GRAMD1B: variants seen among roughly 807,000 people sequenced by gnomAD.
GRAMD1B encodes GRAM domain containing 1B.
GRAMD1B carries 37 observed loss-of-function variants against 99.7 expected under a neutral mutation model. That is an observed-to-expected ratio of 0.37 (90% CI 0.29 to 0.49). GRAMD1B has a LOEUF of 0.49. Ranked by LOEUF, GRAMD1B falls within the 20% of genes least tolerant of loss-of-function variation. The pLI, the probability that GRAMD1B is intolerant of heterozygous loss-of-function variation, is 0.98. For synonymous variants in GRAMD1B, 427 were observed against 387.6 expected, an observed-to-expected ratio of 1.10 and a Z score of -1.19; for missense variants, 888 against 1,009.2, an observed-to-expected ratio of 0.88 and a Z score of 1.63.
chr11:123,576,180 A>G (rs1948685005), intron 2 of GRAMD1B, among the ~76,000 whole-genome samples: 1 of 152,164 alleles, frequency 6.6e-6, no homozygotes, highest in East Asian at 1.9e-4. Flanking sequence ...GGGACATCTG[A>G]GGTCACAGCT....
intron 16 of GRAMD1B, among the ~76,000 whole-genome samples, chr11:123,614,037 G>A (rs751135443): frequency 1.3e-5 from 2 of 152,126 alleles, no homozygotes; most frequent in Non-Finnish European, 1.5e-5. Context: ...GGGAGACCAA[G>A]ACAGTCCCCG....
chr11:123,430,862 C>A lies in GRAMD1B; in HGVS notation c.70C>A (p.Pro24Thr), dbSNP rs780180736. ...ALQVPEPQGA[P>T]EGSPVWSSSS... ...GCAGGTGCCCGAGCCGCAGGGTGCG[C>A]CCGAGGGCAGCCCGGTCTGGTCCAG... Residue 24 changes from proline (P) to threonine (T), a missense_variant, in exon 1 of 20, where the codon CCC (proline) becomes ACC (threonine). By Grantham distance (38) the Pro-to-Thr change is conservative. This residue lies in a region of GRAMD1B where 233 missense variants were observed against 154.6 expected (regional missense o/e 1.51). Coordinates refer to ENST00000635736, the MANE Select transcript of GRAMD1B (RefSeq NM_001387025.1). The A allele has an allele frequency of 2.8e-6, 2 of 701,800 alleles. No homozygotes were observed. Among genetic ancestry groups the A allele is most frequent in the South Asian group, 3.0e-5 (2 of 67,546 alleles). The allele number at this position is 701,800 out of a possible 1,614,324, so 43.5% of individuals were successfully genotyped here. A position where few individuals can be genotyped will look rare whatever the true frequency, so the allele number is the denominator to read the frequency against.
In GRAMD1B at chr11:123,525,768, G is replaced by A. The variant is rs1488727339; in HGVS notation, c.452+44875G>A. 5 of 287,636 alleles carry A rather than the reference G, an allele frequency of 1.7e-5. No homozygotes were observed. The East Asian group carries it at 4.3e-4, about 25-fold the overall frequency. The allele number at this position is 287,636 out of a possible 1,614,324, so 17.8% of individuals were successfully genotyped here. Reference sequence around the variant, plus strand: ...CTCAGAGCTGGTATGAGGTGAGGGTGGGGGGCAGCCGGCCAGCCTGGCTGT... The same window carrying A: ...CTCAGAGCTGGTATGAGGTGAGGGTAGGGGGCAGCCGGCCAGCCTGGCTGT... On this transcript the variant is annotated intron_variant, in intron 2 of 19. Transcript: ENST00000635736.
chr11:123,527,747 C>T (rs1368454129), intron 2 of GRAMD1B, among the ~76,000 whole-genome samples: 1 of 152,120 alleles, frequency 6.6e-6, no homozygotes, highest in Non-Finnish European at 1.5e-5. Flanking sequence ...TCAGAAATCT[C>T]TCCGCATCCT....
At chr11:123,539,646 T>C (rs1391970686) in intron 2 of GRAMD1B, among the ~76,000 whole-genome samples, 1 of 152,104 alleles carries the variant, frequency 6.6e-6, no homozygotes, top group East Asian at 1.9e-4. Context: ...TTGATTCCCA[T>C]TACTTACAAA....
At chr11:123,411,117 G>T (rs1044640752) in intron 1 of GRAMD1B, among the ~76,000 whole-genome samples, 2 of 151,678 alleles carry the variant, frequency 1.3e-5, no homozygotes, top group African/African-American at 4.8e-5. Context: ...CCATTCTCCT[G>T]CCTCAGCCTC....
intron 2 of GRAMD1B, among the ~76,000 whole-genome samples, chr11:123,512,902 C>T (rs1941183377): frequency 6.6e-6 from 1 of 151,934 alleles, no homozygotes; most frequent in Non-Finnish European, 1.5e-5. Flanking sequence ...TGGCTTTCAT[C>T]AGCTCCCCAG....
intron 1 of GRAMD1B, among the ~76,000 whole-genome samples, chr11:123,381,212 T>C (rs1027559872): frequency 6.6e-6 from 1 of 152,150 alleles, no homozygotes; most frequent in African/African-American, 2.4e-5. Flanking sequence ...CAGAACTTTG[T>C]CTTAGGATAG....
At chr11:123,589,650 C>T (rs992661284) in intron 4 of GRAMD1B, among the ~76,000 whole-genome samples, 5 of 134,170 alleles carry the variant, frequency 3.7e-5, no homozygotes, top group African/African-American at 1.6e-4. Flanking sequence ...GTAGTAGAGA[C>T]GGGGTTTCAC....
At chr11:123,412,988 G>C (rs946325724) in intron 1 of GRAMD1B, among the ~76,000 whole-genome samples, 1 of 152,090 alleles carries the variant, frequency 6.6e-6, no homozygotes, top group Non-Finnish European at 1.5e-5. Flanking sequence ...CATCATATTG[G>C]TCAGGCTGGT....
chr11:123,435,548 A>G, intron 1 of GRAMD1B: 2 of 670,422 alleles, frequency 3.0e-6, no homozygotes, highest in Non-Finnish European at 5.4e-6. Flanking sequence ...TAAAGACAGC[A>G]TGGCTTACTA....
chr11:123,438,032 T>C (rs958133771), intron 1 of GRAMD1B, among the ~76,000 whole-genome samples: 1 of 152,182 alleles, frequency 6.6e-6, no homozygotes, highest in Non-Finnish European at 1.5e-5. Context: ...AGACCTATGA[T>C]TGGTCAGTGG....
rs771707612 is a variant in GRAMD1B, at chr11:123,618,370, G to A, written c.2319-323G>A. 3.7e-5 allele frequency: 59 copies of A among 1,611,154 alleles called. No homozygotes were observed. The East Asian group carries it at 1.2e-3, about 32-fold the overall frequency. Reference sequence around the variant, plus strand: ...GATCTGTTTCAGGTACTGGCTCTATGATTTCTCCTTTACCCCCTCATCTCT... The same window carrying A: ...GATCTGTTTCAGGTACTGGCTCTATAATTTCTCCTTTACCCCCTCATCTCT... On this transcript the variant is annotated intron_variant, in intron 17 of 19. Transcript: ENST00000635736.
chr11:123,614,774 G>T lies in GRAMD1B; in HGVS notation c.2257G>T (p.Asp753Tyr), dbSNP rs375570291. 3.1e-6 allele frequency: 5 copies of T among 1,612,470 alleles called. No homozygotes were observed. In the South Asian group the frequency reaches 5.5e-5, roughly 18 times the overall value. ...GSTQTRHIPEDTPNGFHLQSV... is the reference protein window; with the variant it reads ...GSTQTRHIPEYTPNGFHLQSV... ...CACACAGACGCGGCATATCCCGGAG[G>T]ACACCCCCAACGGTTTCCACCTGCA... Residue 753 changes from aspartate to tyrosine, a missense_variant, in exon 17 of 20, where the codon GAC becomes TAC. Physicochemically the swap from Asp to Tyr is radical, Grantham distance 160. Transcript: ENST00000635736.
At chr11:123,606,485 A>G in intron 10 of GRAMD1B, 124 bp from the exon 11 acceptor site, 2 of 820,880 alleles carry the variant, frequency 2.4e-6, no homozygotes, top group Non-Finnish European at 3.8e-6. Flanking sequence ...CCTGACTCTG[A>G]CTTCGCTCCT....
rs374298813 is a variant in GRAMD1B at position 123,577,547 on chromosome 11, G to A, written c.633G>A (p.Gln211=). ...EQGVQRSCSS[Q]SGRSGGKNSK... Reference sequence around the variant, plus strand: ...GCGTGCAGCGCAGCTGCTCCTCCCAGTCCGGCCGGAGCGGCGGCAAGAATT... The same window carrying A: ...GCGTGCAGCGCAGCTGCTCCTCCCAATCCGGCCGGAGCGGCGGCAAGAATT... The change falls in exon 3 of 20, where the codon CAG becomes CAA. Residue 211 remains glutamine, a synonymous_variant. Coordinates refer to ENST00000635736, the MANE Select transcript of GRAMD1B (RefSeq NM_001387025.1). The A allele has an allele frequency of 3.5e-5, 56 of 1,594,768 alleles. 3 individuals are homozygous for A. The African/African-American group carries it at 6.7e-4, about 19-fold the overall frequency.
chr11:123,564,671 A>G (rs959668041), intron 2 of GRAMD1B, among the ~76,000 whole-genome samples: 1 of 152,378 alleles, frequency 6.6e-6, no homozygotes, highest in Non-Finnish European at 1.5e-5. Flanking sequence ...GGCATAGAAC[A>G]TGGTCCTCAC....
At chr11:123,602,175 C>T (rs1445881201) in intron 8 of GRAMD1B, among the ~76,000 whole-genome samples, 1 of 152,140 alleles carries the variant, frequency 6.6e-6, no homozygotes, top group Non-Finnish European at 1.5e-5. Flanking sequence ...AGCCTAGAGT[C>T]AGGGCCCCAA....
intron 19 of GRAMD1B, 39 bp from the exon 20 acceptor site, chr11:123,622,467 C>T (rs1451235775): frequency 1.9e-5 from 24 of 1,268,848 alleles, no homozygotes; most frequent in African/African-American, 1.3e-4. Context: ...CCACTAAAAG[C>T]GCAGACCCAG....
Sources: gnomAD v4.1 joint callset for allele counts (sites outside exome capture counted in the v4.1 genomes callset) on GRCh38, gnomAD v4.1.1 for gene constraint, gnomAD v4.1.1 regional missense constraint, MANE v1.5 for transcripts, NCBI Gene and HGNC (gene_info 2026-07-23, HGNC 2026-07-21) for gene names.